LARP1B: variants seen among roughly 807,000 people sequenced by gnomAD.
LARP1B encodes the protein La ribonucleoprotein 1B.
A neutral mutation model predicts 114.2 loss-of-function variants in LARP1B; 76 were observed. The ratio of observed to expected loss-of-function variants is 0.67; its 90% CI spans 0.55 to 0.81. LARP1B has a LOEUF of 0.81. Ranked by LOEUF, LARP1B falls within the 30% of genes least tolerant of loss-of-function variation. The probability of loss-of-function intolerance (pLI) is 0.00; values close to 1 mark genes in which losing one functional copy is unlikely to be tolerated. For synonymous variants in LARP1B, 345 were observed against 348.0 expected (o/e 0.99, Z 0.10); for missense variants, 1,014 against 1,075.8 (o/e 0.94, Z 0.80).
chr4:128,091,619 CAG>C (rs1377741823), intron 7 of LARP1B, 107 bp downstream of exon 7: 3 of 781,232 alleles, frequency 3.8e-6, no homozygotes, highest in Admixed American at 5.6e-5. Context: ...TTTTTTGAGA[CAG>C]AGTCTCACTC....
At chr4:128,208,589 A>T (rs1758220276) in intron 19 of LARP1B, among the ~76,000 whole-genome samples, 1 of 152,186 alleles carries the variant, frequency 6.6e-6, no homozygotes, top group Non-Finnish European at 1.5e-5. Flanking sequence ...TCTGAACATA[A>T]GCTAAGAATT....
rs1289264883 is a variant in LARP1B at position 128,065,289 on chromosome 4, CTT to C, written c.-78+3890_-78+3891del. ...TCTTTCTTTCTTTCTTTCTTTCTTT[CTT>C]TCTTTCTTTCTTTCTTTCTTTCTTT... On this transcript the variant is annotated intron_variant, in intron 1 of 19. Coordinates refer to ENST00000326639, the MANE Select transcript of LARP1B (RefSeq NM_018078.4). Among the ~76,000 whole-genome samples the C allele has an allele frequency of 7.3e-5, 10 of 136,168 alleles. No individual in the cohort carries two copies. In the South Asian group the frequency reaches 9.6e-4, roughly 13 times the overall value. 89.3% of individuals were successfully genotyped at this position (136,168 alleles called of 152,430 possible).
rs147062850 is a variant in LARP1B at position 128,146,086 on chromosome 4, A to G, written c.1525-16108A>G. Among the ~76,000 whole-genome samples the G allele has an allele frequency of 2.1e-3, 313 of 152,310 alleles. 1 individual carries two copies. Among genetic ancestry groups the G allele is most frequent in the African/African-American group, 6.3e-3 (264 of 41,584 alleles). The stretch of plus-strand genomic sequence containing the variant: ...GCATCAGTTCCATTTCCACATGTAC[A>G]TATGTATACATGCATTTTTCTAATA... On this transcript the variant is annotated intron_variant, in intron 11 of 19. Transcript: ENST00000326639.
At chr4:128,123,895 A>C (rs1295920994) in intron 11 of LARP1B, 3 of 158,958 alleles carry the variant, frequency 1.9e-5, no homozygotes, top group Non-Finnish European at 4.0e-5. Flanking sequence ...TATTCATTAA[A>C]TATTAACGGA....
chr4:128,164,612 T>G (rs1739912288), intron 12 of LARP1B, among the ~76,000 whole-genome samples: 1 of 152,082 alleles, frequency 6.6e-6, no homozygotes, highest in African/African-American at 2.4e-5. Flanking sequence ...TTACTGAGGT[T>G]TTCCAATTAA....
At chr4:128,177,559 AG>A (rs1343292177) in intron 13 of LARP1B, among the ~76,000 whole-genome samples, 1 of 152,224 alleles carries the variant, frequency 6.6e-6, no homozygotes, top group Non-Finnish European at 1.5e-5. Flanking sequence ...CTTACAAAAG[AG>A]GAAGTCTGAA....
intron 15 of LARP1B, among the ~76,000 whole-genome samples, chr4:128,183,095 G>A (rs1157189262): frequency 6.6e-6 from 1 of 152,164 alleles, no homozygotes; most frequent in Non-Finnish European, 1.5e-5. Context: ...TGATGGGGAA[G>A]GTGCAGCAAG....
intron 11 of LARP1B, among the ~76,000 whole-genome samples, chr4:128,159,005 TA>T (rs1052165196): frequency 3.5e-4 from 43 of 124,416 alleles, no homozygotes; most frequent in South Asian, 2.6e-3. Flanking sequence ...CTTCATCTCT[TA>T]AAAAAAAAAT....
chr4:128,161,923 A>G (rs1238799983), intron 11 of LARP1B, among the ~76,000 whole-genome samples: 1 of 152,132 alleles, frequency 6.6e-6, no homozygotes, highest in Non-Finnish European at 1.5e-5. Context: ...TTGTATGTAA[A>G]TGCTCAACAA....
intron 1 of LARP1B, among the ~76,000 whole-genome samples, chr4:128,072,308 A>G (rs757719465): frequency 2.0e-5 from 3 of 152,132 alleles, no homozygotes; most frequent in Non-Finnish European, 4.4e-5. Context: ...GCCTAAGAGT[A>G]ACATTTTAAA....
At chr4:128,115,350 C>T (rs1356151205) in intron 10 of LARP1B, among the ~76,000 whole-genome samples, 7 of 152,146 alleles carry the variant, frequency 4.6e-5, no homozygotes, top group South Asian at 4.1e-4. Context: ...ATTGCTTGAG[C>T]GCAGGAGTTC....
intron 1 of LARP1B, chr4:128,062,178 C>G (rs1347632011): frequency 4.3e-5 from 42 of 985,208 alleles, no homozygotes; most frequent in Non-Finnish European, 4.9e-5. Flanking sequence ...TCCCCAGACA[C>G]GACAGGTCCG....
intron 11 of LARP1B, among the ~76,000 whole-genome samples, chr4:128,139,653 GTC>G (rs1491305531): frequency 1.3e-5 from 2 of 149,620 alleles, no homozygotes; most frequent in Admixed American, 1.3e-4. Flanking sequence ...GAGTGAGACT[GTC>G]ACACACACAC....
intron 1 of LARP1B, among the ~76,000 whole-genome samples, chr4:128,073,783 G>A (rs1766669654): frequency 6.6e-6 from 1 of 151,136 alleles, no homozygotes. Context: ...TAGAGATGGG[G>A]TTTCACCATG....
chr4:128,103,068 G>T (rs1314506734), intron 8 of LARP1B, among the ~76,000 whole-genome samples: 22 of 152,104 alleles, frequency 1.4e-4, no homozygotes, highest in Admixed American at 1.4e-3. Flanking sequence ...ATTAAGAAAA[G>T]AACCAAAATT....
At chr4:128,197,608 C>T (rs950751909) in intron 15 of LARP1B, among the ~76,000 whole-genome samples, 2 of 151,892 alleles carry the variant, frequency 1.3e-5, no homozygotes, top group Non-Finnish European at 2.9e-5. Flanking sequence ...GCAGGAGAAT[C>T]GCTTGAACCC....
At chr4:128,077,238 C>G (rs527513097) in intron 3 of LARP1B, among the ~76,000 whole-genome samples, 2 of 151,748 alleles carry the variant, frequency 1.3e-5, no homozygotes, top group African/African-American at 4.8e-5. Flanking sequence ...ATGGGTCATG[C>G]GTGTATCGCA....
chr4:128,196,085 T>C (rs937381154), intron 15 of LARP1B, among the ~76,000 whole-genome samples: 1 of 151,492 alleles, frequency 6.6e-6, no homozygotes, highest in Non-Finnish European at 1.5e-5. Context: ...ACCCTGTCTC[T>C]ACTAAAAATA....
chr4:128,107,552 C>CT lies in LARP1B; in HGVS notation c.988+242dup, dbSNP rs571872243. The CT allele has an allele frequency of 5.8e-5, 79 of 1,371,920 alleles. 1 individual carries two copies. In the East Asian group the frequency reaches 1.8e-3, roughly 31 times the overall value. The allele number at this position is 1,371,920 out of a possible 1,614,324, so 85.0% of individuals were successfully genotyped here. ...TTCTTGTTCTTAAATTATATGTGTA[C>CT]TTTGTCATGTATGGAGTTTCTATCT... On this transcript the variant is annotated intron_variant, in intron 9 of 19. Transcript: ENST00000326639.
Sources: gnomAD v4.1 joint callset for allele counts (sites outside exome capture counted in the v4.1 genomes callset) on GRCh38, gnomAD v4.1.1 for gene constraint, MANE v1.5 for transcripts, NCBI Gene and HGNC (gene_info 2026-07-23, HGNC 2026-07-21) for gene names.